Variants in NLRP5 observed in about 807,000 individuals in gnomAD.
NLRP5 encodes NACHT, LRR and PYD domains-containing protein 5.
Under a neutral mutation model 113.1 loss-of-function variants are expected in NLRP5, and 93 were observed. The ratio of observed to expected loss-of-function variants is 0.82; its 90% CI spans 0.70 to 0.98. The LOEUF is 0.98. NLRP5 is among the 50% of genes least tolerant of loss of function. The pLI, the probability that NLRP5 is intolerant of heterozygous loss-of-function variation, is 0.00. For missense variants in NLRP5, 1,808 were observed against 1,514.3 expected (o/e 1.19, Z -3.22); for synonymous variants, 751 against 600.7 (o/e 1.25, Z -3.66).
At chr19:56,008,625 C>G (rs945444937) in intron 2 of NLRP5, among the ~76,000 whole-genome samples, 163 bp from the exon 3 acceptor site, 2 of 152,142 alleles carry the variant, frequency 1.3e-5, no homozygotes, top group African/African-American at 2.4e-5. Context: ...TCAGGAAAGT[C>G]TGACTTTGTT....
intron 6 of NLRP5, among the ~76,000 whole-genome samples, chr19:56,022,244 G>A (rs997396553): frequency 2.0e-5 from 3 of 152,050 alleles, no homozygotes; most frequent in Non-Finnish European, 2.9e-5. Flanking sequence ...TTTTGAAACA[G>A]GGTCTTGCTG....
intron 3 of NLRP5, among the ~76,000 whole-genome samples, chr19:56,013,579 A>T (rs1184072249): frequency 1.2e-5 from 1 of 83,656 alleles, no homozygotes; most frequent in Non-Finnish European, 2.4e-5. Flanking sequence ...TTCATTTATC[A>T]CATGATGGAC....
At chr19:56,008,516 C>G (rs1403846015) in intron 2 of NLRP5, among the ~76,000 whole-genome samples, 1 of 152,048 alleles carries the variant, frequency 6.6e-6, no homozygotes, top group East Asian at 1.9e-4. Flanking sequence ...AACTTAATCA[C>G]CACAATTAAC....
chr19:56,010,742 C>CAAAAAAAAAAAAAA lies in NLRP5; in HGVS notation c.508+1902_508+1903insAAAAAAAAAAAAAA, dbSNP rs1412317286. ...GGGAAACAAGAGCTTAACTCTGTCT[C>CAAAAAAAAAAAAAA]AAAAAAAAAAAAAGTCCCTTGAAAC... is the stretch of plus-strand genomic sequence containing the variant. On this transcript the variant is annotated intron_variant, in intron 3 of 14. Coordinates refer to ENST00000390649, the MANE Select transcript of NLRP5 (RefSeq NM_153447.4). Among the ~76,000 whole-genome samples, 49 of 41,260 alleles carry CAAAAAAAAAAAAAA rather than the reference C, an allele frequency of 1.2e-3. 6 individuals are homozygous for CAAAAAAAAAAAAAA. The highest frequency in any genetic ancestry group is 2.0e-3 in the Non-Finnish European group (46 of 23,118). 27.1% of individuals were successfully genotyped at this position (41,260 alleles called of 152,430 possible).
intron 4 of NLRP5, among the ~76,000 whole-genome samples, chr19:56,016,051 G>A (rs1052029991): frequency 6.6e-6 from 1 of 152,086 alleles, no homozygotes; most frequent in African/African-American, 2.4e-5. Flanking sequence ...TACTTATGGG[G>A]CGTGAGGTTT....
At chr19:56,038,964 C>T (rs28537748) in intron 10 of NLRP5, among the ~76,000 whole-genome samples, 192 of 152,292 alleles carry the variant, frequency 1.3e-3, no homozygotes, top group African/African-American at 3.9e-3. Context: ...GTGTGAGCCA[C>T]CATGCCTGGC....
intron 1 of NLRP5, among the ~76,000 whole-genome samples, chr19:56,000,361 GTT>G (rs35449342): frequency 6.6e-6 from 1 of 151,572 alleles, no homozygotes; most frequent in East Asian, 2.0e-4. Flanking sequence ...ATCACCTCAT[GTT>G]TTTTTTTGTT....
chr19:56,037,417 C>T (rs1039828388), intron 9 of NLRP5, among the ~76,000 whole-genome samples: 14 of 152,036 alleles, frequency 9.2e-5, no homozygotes, highest in Admixed American at 7.2e-4. Flanking sequence ...GGGTGGAGGC[C>T]GGGCACAGTG....
rs548111902 is a variant in NLRP5, at chr19:56,002,496, G to A, written c.63-1220G>A. On this transcript the variant is annotated intron_variant, in intron 1 of 14. Transcript: ENST00000390649. ...TATTATTATTATACTTTAAGTTTTA[G>A]GGTACATATGCACAACGTGCAGGTT... 2.6e-5 allele frequency among the ~76,000 whole-genome samples: 4 copies of A among 151,628 alleles called. No individual in the cohort carries two copies. In the East Asian group the frequency reaches 7.7e-4, roughly 29 times the overall value.
the NLRP5 span, among the ~76,000 whole-genome samples, chr19:55,991,270 C>T: frequency 6.6e-6 from 1 of 152,080 alleles, no homozygotes; most frequent in Non-Finnish European, 1.5e-5. Context: ...AAAATTTAGC[C>T]CCCGGAAATG....
rs1396086410 is a variant in NLRP5, at chr19:56,050,548, G to A, written c.3088G>A (p.Glu1030Lys). The A allele has an allele frequency of 5.0e-6, 8 of 1,613,832 alleles. No homozygotes were observed. The highest frequency in any genetic ancestry group is 5.1e-6 in the Non-Finnish European group (6 of 1,179,878). The change falls in exon 12 of 15, where the codon GAG becomes AAG. Residue 1030 changes from glutamate to lysine, a missense_variant. Glu to Lys is a moderately conservative substitution (Grantham distance 56). Transcript: ENST00000390649. The stretch of plus-strand genomic sequence containing the variant: ...AGACAATGGCGTGAAGCTTCTGTGC[G>A]AGGTCATGAGAGAACCATCTTGTCA...
chr19:56,041,047 T>C lies in NLRP5; in HGVS notation c.2912T>C (p.Leu971Pro), dbSNP rs778129121. The C allele has an allele frequency of 1.3e-5, 21 of 1,613,982 alleles. No homozygotes were observed. Among genetic ancestry groups the C allele is most frequent in the Non-Finnish European group, 1.7e-5 (20 of 1,179,882 alleles). Residue 971 changes from leucine (L) to proline (P), a missense_variant, in exon 11 of 15, where the codon CTG (leucine) becomes CCG (proline). Coordinates refer to ENST00000390649, the MANE Select transcript of NLRP5 (RefSeq NM_153447.4). ...CTGGGGAACGAAGGTGTAAATCTAC[T>C]GTGTCGATCCATGAGGCTTCCCCAC...
At chr19:56,007,457 CAAAG>C (rs1981969654) in intron 2 of NLRP5, among the ~76,000 whole-genome samples, 1 of 148,706 alleles carries the variant, frequency 6.7e-6, no homozygotes, top group Non-Finnish European at 1.5e-5. Context: ...CTGAGATAAA[CAAAG>C]AAGAGGAGTT....
intron 4 of NLRP5, among the ~76,000 whole-genome samples, chr19:56,017,121 T>G (rs1982437634): frequency 6.6e-6 from 1 of 152,138 alleles, no homozygotes; most frequent in Non-Finnish European, 1.5e-5. Flanking sequence ...TCCTTTTCAT[T>G]TCTTTAAGGC....
chr19:55,994,508 C>T, the NLRP5 span, among the ~76,000 whole-genome samples: 1 of 152,194 alleles, frequency 6.6e-6, no homozygotes, highest in African/African-American at 2.4e-5. Flanking sequence ...AGCGATTCTC[C>T]TGCCTCAGCC....
chr19:56,059,888 G>T (rs1984289919), intron 14 of NLRP5, among the ~76,000 whole-genome samples: 1 of 152,102 alleles, frequency 6.6e-6, no homozygotes, highest in Non-Finnish European at 1.5e-5. Context: ...CTCCAGTATG[G>T]TCCAGCTGAT....
At chr19:56,037,674 C>G (rs1449718409) in intron 9 of NLRP5, among the ~76,000 whole-genome samples, 2 of 121,642 alleles carry the variant, frequency 1.6e-5, no homozygotes, top group African/African-American at 6.5e-5. Context: ...GCCTGGGTGA[C>G]AAGAGCAAGA....
At chr19:56,002,428 A>C (rs1208286189) in intron 1 of NLRP5, among the ~76,000 whole-genome samples, 1 of 152,068 alleles carries the variant, frequency 6.6e-6, no homozygotes, top group Non-Finnish European at 1.5e-5. Context: ...GGTTATTAGT[A>C]ACTGGTAGGA....
At chr19:56,038,342 C>T (rs1983396780) in intron 10 of NLRP5, 147 bp downstream of exon 10, 1 of 790,768 alleles carries the variant, frequency 1.3e-6, no homozygotes, top group Non-Finnish European at 2.1e-6. Flanking sequence ...AAGACCTGCC[C>T]AGTGTGGGGT....
Sources: allele counts gnomAD v4.1 joint callset (sites outside exome capture counted in the v4.1 genomes callset), GRCh38; gene constraint gnomAD v4.1.1; transcripts MANE v1.5; gene names NCBI Gene and HGNC (gene_info 2026-07-23, HGNC 2026-07-21).